Variants in RIMKLB observed in about 807,000 individuals in gnomAD.
The protein encoded by RIMKLB is beta-citrylglutamate synthase B.
RIMKLB carries 7 observed loss-of-function variants against 32.0 expected under a neutral mutation model. The observed-to-expected ratio is 0.22, with a 90% confidence interval of 0.12 to 0.41. The LOEUF is 0.41. Among genes scored for constraint, RIMKLB ranks in the 10% least tolerant of loss-of-function variants. RIMKLB has a pLI of 1.00. For missense variants in RIMKLB, 289 were observed against 498.7 expected, an observed-to-expected ratio of 0.58 and a Z score of 4.00; for synonymous variants, 172 against 185.1, an observed-to-expected ratio of 0.93 and a Z score of 0.57.
chr12:8,721,188 C>T (rs1307392166), intron 2 of RIMKLB, among the ~76,000 whole-genome samples: 1 of 152,104 alleles, frequency 6.6e-6, no homozygotes, highest in Middle Eastern at 3.2e-3. Context: ...CACAATAAAG[C>T]GAGTAACACA....
intron 1 of RIMKLB, among the ~76,000 whole-genome samples, chr12:8,705,877 G>A (rs750921484): frequency 4.9e-4 from 75 of 152,232 alleles, no homozygotes; most frequent in African/African-American, 1.7e-3. Context: ...TCTTGAGGAA[G>A]AGTTCCTCCT....
In RIMKLB at chr12:8,773,391, G is replaced by C. The variant is rs756242125; in HGVS notation, c.768G>C (p.Leu256=). 3.1e-6 allele frequency: 5 copies of C among 1,614,154 alleles called. No homozygotes were observed. The highest frequency in any genetic ancestry group is 3.4e-6 in the Non-Finnish European group (4 of 1,179,970). The change falls in exon 6 of 6, where the codon CTG becomes CTC. Residue 256 remains leucine, a synonymous_variant. Transcript: ENST00000535829. ...KQLAIQVSNI[L]GMDVCGIDLL... is the part of the protein sequence containing the mutation. ...TAGCTATCCAGGTGTCTAATATCCT[G>C]GGGATGGATGTGTGTGGCATTGATC...
chr12:8,774,669 GT>G lies in RIMKLB; in HGVS notation c.*887del, dbSNP rs2138320695. 2.1e-6 allele frequency: 2 copies of G among 972,282 alleles called. No individual in the cohort carries two copies. Among genetic ancestry groups the G allele is most frequent in the East Asian group, 2.5e-4 (2 of 8,130 alleles). The allele number at this position is 972,282 out of a possible 1,614,324, so 60.2% of individuals were successfully genotyped here. The stretch of plus-strand genomic sequence containing the variant: ...AAGTGAAGAAAATGCTACCTTTTTT[GT>G]TAACAAGACACTGACTTGAAACATG... On this transcript the variant is annotated 3_prime_UTR_variant, in exon 6 of 6. Transcript: ENST00000535829.
chr12:8,745,396 C>T (rs1411548513), intron 2 of RIMKLB, among the ~76,000 whole-genome samples: 2 of 151,512 alleles, frequency 1.3e-5, no homozygotes, highest in African/African-American at 2.4e-5. Flanking sequence ...GGCTGATTCC[C>T]GTAAATTTTT....
intron 1 of RIMKLB, among the ~76,000 whole-genome samples, chr12:8,711,200 C>T (rs1447153613): frequency 2.6e-5 from 4 of 151,736 alleles, no homozygotes; most frequent in Non-Finnish European, 4.4e-5. Context: ...CGCCACTGCA[C>T]TCCAGCCTGG....
downstream of RIMKLB, among the ~76,000 whole-genome samples, chr12:8,778,154 A>C (rs1950840977): frequency 2.0e-5 from 3 of 152,004 alleles, no homozygotes; most frequent in Non-Finnish European, 2.9e-5. Flanking sequence ...AAGCTTTTTC[A>C]GGGGTTGGTG....
intron 2 of RIMKLB, among the ~76,000 whole-genome samples, chr12:8,724,657 A>G (rs921524765): frequency 6.6e-6 from 1 of 152,186 alleles, no homozygotes; most frequent in African/African-American, 2.4e-5. Flanking sequence ...CTTCACTTAG[A>G]CCCTGAGCCT....
At chr12:8,710,307 C>CTTTTTT (rs762963381) in intron 1 of RIMKLB, among the ~76,000 whole-genome samples, 1 of 125,600 alleles carries the variant, frequency 8.0e-6, no homozygotes, top group Non-Finnish European at 1.7e-5. Context: ...TTGTTTCCTT[C>CTTTTTT]TTTTTTTTTT....
intron 2 of RIMKLB, among the ~76,000 whole-genome samples, chr12:8,715,829 A>G (rs1944781050): frequency 6.6e-6 from 1 of 152,242 alleles, no homozygotes; most frequent in African/African-American, 2.4e-5. Context: ...ATGAATGAAA[A>G]ATGTGAATGT....
At chr12:8,725,965 A>G (rs1279094881) in intron 2 of RIMKLB, among the ~76,000 whole-genome samples, 2 of 152,188 alleles carry the variant, frequency 1.3e-5, no homozygotes, top group African/African-American at 4.8e-5. Flanking sequence ...CTCCTGTCTC[A>G]GCCTCCCGAA....
At chr12:8,734,088 A>G (rs1332175615) in intron 2 of RIMKLB, among the ~76,000 whole-genome samples, 1 of 152,248 alleles carries the variant, frequency 6.6e-6, no homozygotes, top group Non-Finnish European at 1.5e-5. Flanking sequence ...TGGAGAACAC[A>G]GAGGAATTAT....
At chr12:8,691,674 A>AGAAATAAACTGATGTTTC (rs1267883919) in intron 1 of RIMKLB, among the ~76,000 whole-genome samples, 1 of 152,236 alleles carries the variant, frequency 6.6e-6, no homozygotes, top group Non-Finnish European at 1.5e-5. Flanking sequence ...TAGATTGAAT[A>AGAAATAAACTGATGTTTC]GAAATAAACT....
chr12:8,747,291 A>G (rs1011315664), intron 2 of RIMKLB, among the ~76,000 whole-genome samples: 20 of 152,186 alleles, frequency 1.3e-4, no homozygotes, highest in African/African-American at 3.1e-4. Flanking sequence ...TTTACTGTAC[A>G]TCAATACCAT....
At chr12:8,728,599 G>T (rs1196679282) in intron 2 of RIMKLB, among the ~76,000 whole-genome samples, 1 of 152,084 alleles carries the variant, frequency 6.6e-6, no homozygotes, top group Non-Finnish European at 1.5e-5. Context: ...CCAGAAACTG[G>T]AAGTCCTACT....
chr12:8,700,601 ATAAAG>A (rs1943301839), intron 1 of RIMKLB: 1 of 151,950 alleles, frequency 6.6e-6, no homozygotes, highest in African/African-American at 2.4e-5. Flanking sequence ...AGAACCAAAC[ATAAAG>A]TAAGGAGGGT....
intron 2 of RIMKLB, among the ~76,000 whole-genome samples, chr12:8,741,564 G>A (rs1354513093): frequency 6.6e-6 from 1 of 151,592 alleles, no homozygotes; most frequent in Non-Finnish European, 1.5e-5. Context: ...TGGATCACGG[G>A]GTCAGGAGAT....
In RIMKLB at chr12:8,709,438, A is replaced by G. The variant is rs779594651; in HGVS notation, c.-56-4373A>G. Among the ~76,000 whole-genome samples the G allele has an allele frequency of 2.0e-5, 3 of 152,402 alleles. No homozygotes were observed. The South Asian group carries it at 6.2e-4, about 32-fold the overall frequency. On this transcript the variant is annotated intron_variant, in intron 1 of 5. Coordinates refer to ENST00000535829, the MANE Select transcript of RIMKLB (RefSeq NM_001297776.2). Reference sequence around the variant, plus strand: ...AGAGGAAACAGCTGTGCCCAAGGCTAGGAGAGAACCATTGAGGGGCAGAAG... The same window carrying G: ...AGAGGAAACAGCTGTGCCCAAGGCTGGGAGAGAACCATTGAGGGGCAGAAG...
chr12:8,769,503 T>C (rs147636209), intron 5 of RIMKLB, among the ~76,000 whole-genome samples: 76 of 152,200 alleles, frequency 5.0e-4, no homozygotes, highest in African/African-American at 1.7e-3. Flanking sequence ...CCATTTTTTG[T>C]GTAATTACTA....
At chr12:8,714,871 ACTTT>A (rs1481491453) in intron 2 of RIMKLB, among the ~76,000 whole-genome samples, 1 of 152,208 alleles carries the variant, frequency 6.6e-6, no homozygotes, top group Non-Finnish European at 1.5e-5. Context: ...ATTTTAGATC[ACTTT>A]CTTCCTTTGT....
Sources: gnomAD v4.1 joint callset for allele counts (sites outside exome capture counted in the v4.1 genomes callset) on GRCh38, gnomAD v4.1.1 for gene constraint, MANE v1.5 for transcripts, NCBI Gene and HGNC (gene_info 2026-07-23, HGNC 2026-07-21) for gene names.